The following ZEB2 variants were observed in gnomAD, a reference collection of about 807,000 sequenced individuals.
ZEB2 encodes zinc finger E-box binding homeobox 2, also known as zinc finger E-box-binding homeobox 2.
In ZEB2, 6 loss-of-function variants were observed where a neutral mutation model predicts 99.9. The observed-to-expected ratio is 0.06, with a 90% CI of 0.03 to 0.12. The LOEUF is 0.12. Among genes scored for constraint, ZEB2 ranks in the 10% least tolerant of loss-of-function variants. The probability of loss-of-function intolerance (pLI) is 1.00; values close to 1 mark genes in which losing one functional copy is unlikely to be tolerated. For synonymous variants in ZEB2, 517 were observed against 542.5 expected (o/e 0.95, Z 0.65); for missense variants, 969 against 1,502.8 (o/e 0.64, Z 5.87).
At chr2:144,497,033 A>G (rs1296432146) in intron 2 of ZEB2, among the ~76,000 whole-genome samples, 1 of 152,160 alleles carries the variant, frequency 6.6e-6, no homozygotes, top group Non-Finnish European at 1.5e-5. Context: ...CCTGTGTTTC[A>G]GACATCTCAG....
At chr2:144,481,513 CA>C (rs1209002107) in intron 2 of ZEB2, among the ~76,000 whole-genome samples, 1 of 152,080 alleles carries the variant, frequency 6.6e-6, no homozygotes, top group East Asian at 1.9e-4. Flanking sequence ...TCTAGAGCCC[CA>C]AGGGGTACAC....
chr2:144,516,949 C>T (rs1705158840), intron 2 of ZEB2, among the ~76,000 whole-genome samples: 1 of 151,166 alleles, frequency 6.6e-6, no homozygotes, highest in South Asian at 2.1e-4. Context: ...GCGGGCCGGG[C>T]GCGAGCGGAG....
At position 144,399,045 on chromosome 2, in the gene ZEB2, C is replaced by T. The variant is rs201180901; in HGVS notation, c.2142G>A (p.Pro714=). The T allele has an allele frequency of 2.3e-4, 365 of 1,613,950 alleles. 1 individual carries two copies. The highest frequency in any genetic ancestry group is 1.6e-4 in the Middle Eastern group (1 of 6,084). Residue 714 remains proline (P), a synonymous_variant, in exon 8 of 10, where the codon CCG becomes CCA. Transcript: ENST00000627532. The surrounding 1 kb of genome is among the most constrained non-coding windows in gnomAD (Gnocchi z 5.6). ...TGGGAGGGTTACTGTTGGGAGCTAACGGCTTGGAGCTTCTTTCCAGGGATG... is the reference window on the plus strand; with the variant it reads ...TGGGAGGGTTACTGTTGGGAGCTAATGGCTTGGAGCTTCTTTCCAGGGATG... ...RSPSLERSSK[P]LAPNSNPPTK... is the part of the protein sequence containing the mutation.
chr2:144,488,183 T>C (rs546785703), intron 2 of ZEB2, among the ~76,000 whole-genome samples: 26 of 152,322 alleles, frequency 1.7e-4, no homozygotes, highest in African/African-American at 5.3e-4. Flanking sequence ...ACTGTGTTGT[T>C]AGAGTACATT....
At chr2:144,421,004 C>T (rs1703612453) in intron 4 of ZEB2, among the ~76,000 whole-genome samples, 1 of 152,074 alleles carries the variant, frequency 6.6e-6, no homozygotes, top group African/African-American at 2.4e-5. Flanking sequence ...TAGAGGAGGA[C>T]ATGAGGGACA....
chr2:144,485,816 A>G (rs1448957381), intron 2 of ZEB2, among the ~76,000 whole-genome samples: 2 of 152,020 alleles, frequency 1.3e-5, no homozygotes, highest in African/African-American at 4.8e-5. Context: ...ACGGGGTTTC[A>G]CCATGTTGGC....
chr2:144,490,724 G>A (rs774490378), intron 2 of ZEB2, among the ~76,000 whole-genome samples: 10 of 152,146 alleles, frequency 6.6e-5, no homozygotes, highest in Non-Finnish European at 1.2e-4. Context: ...AAAATGACAA[G>A]TTCATCATCT....
chr2:144,497,495 A>G (rs565393943), intron 2 of ZEB2, among the ~76,000 whole-genome samples: 1 of 152,302 alleles, frequency 6.6e-6, no homozygotes, highest in Admixed American at 6.5e-5. Flanking sequence ...CAATTATTGT[A>G]CAATGAGAAA....
chr2:144,495,787 C>CT (rs1704749435), intron 2 of ZEB2: 1 of 152,264 alleles, frequency 6.6e-6, no homozygotes, highest in South Asian at 2.1e-4. Flanking sequence ...CAATTTGTCT[C>CT]TAAGAGATTC....
intron 2 of ZEB2, chr2:144,513,816 G>C (rs983881872): frequency 7.2e-6 from 11 of 1,535,978 alleles, no homozygotes; most frequent in African/African-American, 1.4e-5. Flanking sequence ...AGATAGTGGG[G>C]TATAATCAGG....
chr2:144,516,229 C>G (rs1186828358), intron 2 of ZEB2: 3 of 148,470 alleles, frequency 2.0e-5, no homozygotes, highest in Non-Finnish European at 3.0e-5. Context: ...CCCACCCCCC[C>G]CCGGCACCCT....
chr2:144,407,174 A>G (rs1703399143), intron 4 of ZEB2, among the ~76,000 whole-genome samples: 1 of 152,228 alleles, frequency 6.6e-6, no homozygotes, highest in Non-Finnish European at 1.5e-5. Flanking sequence ...AGCGCCAGTA[A>G]TCCTGAATGC....
At chr2:144,447,682 G>T (rs1388538513) in intron 2 of ZEB2, among the ~76,000 whole-genome samples, 1 of 152,176 alleles carries the variant, frequency 6.6e-6, no homozygotes, top group Non-Finnish European at 1.5e-5. Flanking sequence ...AAGCATGATG[G>T]TCCCTAACTC....
chr2:144,424,765 A>G lies in ZEB2; in HGVS notation c.403+31T>C, dbSNP rs1414937467. ...ACTAAACCCACATGACACAGGACAA[A>G]TGTGATCTGAGCGTGGCCAACATAA... On this transcript the variant is annotated intron_variant, in intron 4 of 9. Transcript: ENST00000627532. 5 of 1,613,724 alleles carry G rather than the reference A, an allele frequency of 3.1e-6. No individual in the cohort carries two copies. The South Asian group carries it at 5.5e-5, about 18-fold the overall frequency.
At chr2:144,441,191 G>GAGAGAGAGAGAC in intron 2 of ZEB2, among the ~76,000 whole-genome samples, 1 of 151,006 alleles carries the variant, frequency 6.6e-6, no homozygotes, top group South Asian at 2.1e-4. Flanking sequence ...GAGAGAGAGA[G>GAGAGAGAGAGAC]AGAGAGAGAG....
intron 2 of ZEB2, among the ~76,000 whole-genome samples, chr2:144,502,052 A>C (rs1704877751): frequency 6.6e-6 from 1 of 152,234 alleles, no homozygotes. Flanking sequence ...TGGACAATTC[A>C]TCTCAGTCAC....
intron 9 of ZEB2, among the ~76,000 whole-genome samples, chr2:144,393,480 TAGAATCAGTC>T (rs1703178923): frequency 6.6e-6 from 1 of 152,222 alleles, no homozygotes; most frequent in Admixed American, 6.5e-5. Context: ...TTCCCGACCT[TAGAATCAGTC>T]AGTCCCAAGA....
At chr2:144,460,318 A>C (rs1257783699) in intron 2 of ZEB2, among the ~76,000 whole-genome samples, 3 of 152,140 alleles carry the variant, frequency 2.0e-5, no homozygotes, top group African/African-American at 7.2e-5. Flanking sequence ...GAGGCCTAGA[A>C]AGAGACTGAT....
At chr2:144,502,388 G>C (rs1704885008) in intron 2 of ZEB2, among the ~76,000 whole-genome samples, 1 of 151,922 alleles carries the variant, frequency 6.6e-6, no homozygotes, top group Admixed American at 6.6e-5. Flanking sequence ...GTTTCTAAAA[G>C]TGGTAACATC....
Sources: gnomAD v4.1 joint callset for allele counts (sites outside exome capture counted in the v4.1 genomes callset) on GRCh38, gnomAD v4.1.1 for gene constraint, Gnocchi (gnomAD v3.1) non-coding constraint, MANE v1.5 for transcripts, NCBI Gene and HGNC (gene_info 2026-07-23, HGNC 2026-07-21) for gene names.